Variants in CMTM7 observed in about 807,000 individuals in gnomAD.
The protein encoded by CMTM7 is CKLF-like MARVEL transmembrane domain-containing protein 7.
CMTM7 carries 7 observed loss-of-function variants against 19.3 expected under a neutral mutation model. That is an observed-to-expected ratio of 0.36 (90% CI 0.21 to 0.68). The LOEUF (loss-of-function observed/expected upper bound fraction) is 0.68. Among genes scored for constraint, CMTM7 ranks in the 30% least tolerant of loss-of-function variants. The pLI is 0.60. For synonymous variants in CMTM7, 87 were observed against 99.3 expected, an observed-to-expected ratio of 0.88 and a Z score of 0.74; for missense variants, 193 against 232.6, an observed-to-expected ratio of 0.83 and a Z score of 1.11.
chr3:32,416,433 GCGGA>G (rs1559405760), intron 1 of CMTM7, among the ~76,000 whole-genome samples: 1 of 95,542 alleles, frequency 1.0e-5, no homozygotes, highest in Non-Finnish European at 2.1e-5. Context: ...AGGCCGGACT[GCGGA>G]CTGACTGCAG....
intron 1 of CMTM7, among the ~76,000 whole-genome samples, chr3:32,416,535 C>T (rs899223148): frequency 1.4e-5 from 2 of 142,576 alleles, no homozygotes; most frequent in Non-Finnish European, 3.1e-5. Flanking sequence ...GGACTACAGG[C>T]GCCCGCCACC....
At chr3:32,416,211 T>TTTTGG (rs1553611319) in intron 1 of CMTM7, among the ~76,000 whole-genome samples, 43,502 of 151,332 alleles carry the variant, frequency 0.29, 7,739 homozygotes, top group South Asian at 0.41. Context: ...TTTTGTTTTG[T>TTTTGG]TTTTGAGACA....
chr3:32,427,353 C>G (rs947730252), intron 1 of CMTM7, among the ~76,000 whole-genome samples: 7 of 152,246 alleles, frequency 4.6e-5, no homozygotes, highest in Middle Eastern at 3.4e-3. Context: ...CAAACCCTGC[C>G]TGGATCTGAA....
intron 2 of CMTM7, among the ~76,000 whole-genome samples, chr3:32,447,591 T>A (rs1310259493): frequency 1.3e-5 from 2 of 152,230 alleles, no homozygotes; most frequent in Admixed American, 1.3e-4. Context: ...ATTTTTCACT[T>A]CATGTGTTTT....
intron 1 of CMTM7, among the ~76,000 whole-genome samples, chr3:32,394,795 A>G (rs937219353): frequency 5.3e-5 from 8 of 151,526 alleles, no homozygotes; most frequent in Non-Finnish European, 8.8e-5. Flanking sequence ...TCCCGAGTTC[A>G]ATCAAATCTC....
rs575944688 is a variant in CMTM7 at position 32,421,446 on chromosome 3, G to C, written c.160-20394G>C. 5.8e-4 allele frequency among the ~76,000 whole-genome samples: 89 copies of C among 152,230 alleles called. No individual in the cohort carries two copies. The South Asian group carries it at 0.018, about 31-fold the overall frequency. Reference sequence around the variant, plus strand: ...CTTTCCCACCCCTATGCCTTCTGTGGCTGTGTTCCCACTGCCAGAAGCCTC... The same window carrying C: ...CTTTCCCACCCCTATGCCTTCTGTGCCTGTGTTCCCACTGCCAGAAGCCTC... On this transcript the variant is annotated intron_variant, in intron 1 of 4. Transcript: ENST00000334983.
intron 1 of CMTM7, among the ~76,000 whole-genome samples, chr3:32,401,230 C>G (rs979395675): frequency 1.3e-5 from 2 of 152,238 alleles, no homozygotes; most frequent in African/African-American, 4.8e-5. Context: ...TCCACTCTTG[C>G]GGAAGGCCTT....
chr3:32,439,625 T>C (rs1042195279), intron 1 of CMTM7, among the ~76,000 whole-genome samples: 1 of 152,302 alleles, frequency 6.6e-6, no homozygotes, highest in South Asian at 2.1e-4. Flanking sequence ...AGCTAGTTTT[T>C]GTATTTTTTG....
intron 2 of CMTM7, among the ~76,000 whole-genome samples, chr3:32,446,247 C>T (rs1378914143): frequency 6.6e-6 from 1 of 152,092 alleles, no homozygotes; most frequent in African/African-American, 2.4e-5. Context: ...GTATATATGT[C>T]TAGGAATTTG....
intron 1 of CMTM7, among the ~76,000 whole-genome samples, chr3:32,429,672 C>G (rs2125634330): frequency 6.7e-6 from 1 of 149,882 alleles, no homozygotes; most frequent in Non-Finnish European, 1.5e-5. Flanking sequence ...GCGATCTTGG[C>G]TCACTGCAAG....
intron 1 of CMTM7, among the ~76,000 whole-genome samples, chr3:32,422,633 AG>A (rs1575116577): frequency 6.6e-6 from 1 of 152,238 alleles, no homozygotes; most frequent in Non-Finnish European, 1.5e-5. Context: ...CTGGGAAACC[AG>A]GAAAATTCTG....
intron 1 of CMTM7, among the ~76,000 whole-genome samples, chr3:32,399,911 G>A (rs1695976077): frequency 6.6e-6 from 1 of 152,104 alleles, no homozygotes; most frequent in Admixed American, 6.5e-5. Flanking sequence ...TGTTCATTGT[G>A]GAAACTTTGG....
chr3:32,435,834 T>G (rs904358548), intron 1 of CMTM7, among the ~76,000 whole-genome samples: 1 of 152,248 alleles, frequency 6.6e-6, no homozygotes, highest in African/African-American at 2.4e-5. Flanking sequence ...ATCTCTAAGA[T>G]GTATCATTTT....
intron 1 of CMTM7, among the ~76,000 whole-genome samples, chr3:32,424,309 C>T (rs540494787): frequency 6.6e-6 from 1 of 152,312 alleles, no homozygotes; most frequent in African/African-American, 2.4e-5. Context: ...CCAGAAAGAA[C>T]TGGTATTGTA....
At chr3:32,421,008 A>C (rs1015103436) in intron 1 of CMTM7, among the ~76,000 whole-genome samples, 23 of 151,888 alleles carry the variant, frequency 1.5e-4, no homozygotes, top group Non-Finnish European at 2.6e-4. Flanking sequence ...TCCCCACCTC[A>C]CCGTGCAGCC....
chr3:32,413,033 G>A (rs590885), intron 1 of CMTM7, among the ~76,000 whole-genome samples: 50,645 of 152,064 alleles, frequency 0.33, 8,980 homozygotes, highest in South Asian at 0.42. Flanking sequence ...GCAAACTACA[G>A]CCCACAGACC....
chr3:32,423,050 A>C (rs980314529), intron 1 of CMTM7, among the ~76,000 whole-genome samples: 1 of 152,226 alleles, frequency 6.6e-6, no homozygotes, highest in Non-Finnish European at 1.5e-5. Context: ...CATTGCTGAC[A>C]TGACTGAGGT....
chr3:32,400,205 A>G (rs1695979964), intron 1 of CMTM7, among the ~76,000 whole-genome samples: 1 of 151,812 alleles, frequency 6.6e-6, no homozygotes, highest in Non-Finnish European at 1.5e-5. Context: ...TTTTTAGTAG[A>G]GACGGGGTTT....
At chr3:32,435,570 A>G (rs530261060) in intron 1 of CMTM7, among the ~76,000 whole-genome samples, 1 of 152,354 alleles carries the variant, frequency 6.6e-6, no homozygotes, top group African/African-American at 2.4e-5. Flanking sequence ...GGGGACCTAC[A>G]GCAATGTCTA....
Sources: allele counts gnomAD v4.1 joint callset (sites outside exome capture counted in the v4.1 genomes callset), GRCh38; gene constraint gnomAD v4.1.1; transcripts MANE v1.5; gene names NCBI Gene and HGNC (gene_info 2026-07-23, HGNC 2026-07-21).